Variants in APC2 observed in about 807,000 individuals in gnomAD.
APC2 encodes adenomatous polyposis coli protein 2.
APC2 carries 41 observed loss-of-function variants against 72.5 expected under a neutral mutation model. The ratio of observed to expected loss-of-function variants is 0.57; its 90% confidence interval spans 0.44 to 0.73. APC2 has a LOEUF of 0.73. Among genes scored for constraint, APC2 ranks in the 30% least tolerant of loss-of-function variants. APC2 has a pLI of 0.00. For missense variants in APC2, 3,729 were observed against 3,403.4 expected (o/e 1.10, Z -2.38); for synonymous variants, 1,898 against 1,612.0 (o/e 1.18, Z -4.25).
chr19:1,456,174 A>G (rs950047095), intron 7 of APC2, 21 bp downstream of exon 7: 1 of 1,571,760 alleles, frequency 6.4e-7, no homozygotes, highest in Non-Finnish European at 8.6e-7. Context: ...GGGCAGAGCC[A>G]GGGACCAGGG....
intron 4 of APC2, among the ~76,000 whole-genome samples, chr19:1,454,563 C>CTTTTCTT (rs1569140915): frequency 8.6e-6 from 1 of 116,172 alleles, no homozygotes. Flanking sequence ...ATCTTTTGTA[C>CTTTTCTT]TTTTTTTTTT....
chr19:1,469,494 C>G lies in APC2; in HGVS notation c.6193C>G (p.Arg2065Gly), dbSNP rs1369082576. 3.6e-6 allele frequency: 4 copies of G among 1,105,758 alleles called. No individual in the cohort carries two copies. Among genetic ancestry groups the G allele is most frequent in the African/African-American group, 3.4e-5 (2 of 59,198 alleles). 68.5% of individuals were successfully genotyped at this position (1,105,758 alleles called of 1,614,324 possible). The change falls in exon 15 of 15, where the codon CGA becomes GGA. Residue 2065 changes from arginine (R) to glycine (G), a missense_variant. Transcript: ENST00000590469. ...APARQRPPAA[R>G]PSPGERPARR... ...GGCCCGGCAGCGGCCCCCCGCGGCCCGACCCAGCCCTGGCGAGCGCCCTGC... is the reference window on the plus strand; with the variant it reads ...GGCCCGGCAGCGGCCCCCCGCGGCCGGACCCAGCCCTGGCGAGCGCCCTGC...
intron 13 of APC2, 73 bp from the exon 14 acceptor site, chr19:1,461,890 T>C (rs2145216674): frequency 2.3e-6 from 3 of 1,297,840 alleles, no homozygotes; most frequent in Non-Finnish European, 1.1e-6. Flanking sequence ...CCAACTTCAC[T>C]GAATGTGAGC....
rs2084072203 is a variant in APC2, at chr19:1,468,686, C to T, written c.5385C>T (p.Tyr1795=). 5 of 1,559,584 alleles carry T rather than the reference C, an allele frequency of 3.2e-6. No individual in the cohort carries two copies. The highest frequency in any genetic ancestry group is 4.4e-6 in the Non-Finnish European group (5 of 1,147,734). ...PAVLRGRTVI[Y]VPSPAPRAQP... is the part of the protein sequence containing the mutation. ...TGCTCCGGGGACGAACAGTGATCTA[C>T]GTCCCCAGCCCGGCACCCCGTGCCC... The change falls in exon 15 of 15, where the codon TAC becomes TAT. Residue 1795 remains tyrosine, a synonymous_variant. Coordinates refer to ENST00000590469, the MANE Select transcript of APC2 (RefSeq NM_005883.3).
rs1236960819 is a variant in APC2, at chr19:1,465,996, G to A, written c.2695G>A (p.Glu899Lys). Reference protein sequence around the residue: ...AQSCSPCRGPEGGRREAGSRA... With the variant: ...AQSCSPCRGPKGGRREAGSRA... ...GTCCTGCTCGCCATGCCGCGGCCCG[G>A]AGGGCGGGCGGCGAGAGGCAGGAAG... Residue 899 changes from glutamate to lysine, a missense_variant, in exon 15 of 15, where the codon GAG becomes AAG. Physicochemically the swap from Glu to Lys is moderately conservative, Grantham distance 56. Coordinates refer to ENST00000590469, the MANE Select transcript of APC2 (RefSeq NM_005883.3). The A allele has an allele frequency of 3.3e-6, 5 of 1,510,138 alleles. No homozygotes were observed. The highest frequency in any genetic ancestry group is 4.4e-6 in the Non-Finnish European group (5 of 1,138,840). 93.5% of individuals were successfully genotyped at this position (1,510,138 alleles called of 1,614,324 possible).
chr19:1,464,761 TG>T (rs1485208094), intron 14 of APC2, among the ~76,000 whole-genome samples: 7 of 147,834 alleles, frequency 4.7e-5, no homozygotes, highest in Non-Finnish European at 7.4e-5. Flanking sequence ...GCCTCCCGGG[TG>T]GCTGGGATTA....
intron 14 of APC2, among the ~76,000 whole-genome samples, chr19:1,464,824 G>C (rs1385114317): frequency 6.6e-6 from 1 of 151,030 alleles, no homozygotes; most frequent in African/African-American, 2.4e-5. Context: ...AGAGAGAGAG[G>C]GTTTCACCAT....
chr19:1,472,192 G>A lies in APC2; in HGVS notation c.*1979G>A, dbSNP rs1028043371. The A allele has an allele frequency of 1.3e-5, 2 of 152,276 alleles. No homozygotes were observed. Among genetic ancestry groups the A allele is most frequent in the African/African-American group, 2.4e-5 (1 of 41,456 alleles). The allele number at this position is 152,276 out of a possible 1,614,324, so 9.4% of individuals were successfully genotyped here. A position where few individuals can be genotyped will look rare whatever the true frequency, so the allele number is the denominator to read the frequency against. On this transcript the variant is annotated 3_prime_UTR_variant, in exon 15 of 15. Transcript: ENST00000590469. The stretch of plus-strand genomic sequence containing the variant: ...CACTTGCTGTCCCCATCCATGGCCC[G>A]AGGGGGAACCTGGTGGTCTCTTCTG...
chr19:1,458,842 CCTGA>C (rs781524528), intron 10 of APC2, among the ~76,000 whole-genome samples: 11 of 152,018 alleles, frequency 7.2e-5, no homozygotes, highest in African/African-American at 1.2e-4. Flanking sequence ...CGCCCCCACA[CCTGA>C]CTAATTTTTG....
Position 1,466,215 on chromosome 19 carries a change from C to A in APC2, c.2914C>A (p.Pro972Thr). The change falls in exon 15 of 15, where the codon CCC becomes ACC. Residue 972 changes from proline (P) to threonine (T), a missense_variant. By Grantham distance (38) the Pro-to-Thr change is conservative (BLOSUM62 -1). Transcript: ENST00000590469. Reference sequence around the variant, plus strand: ...GCCCAGCCGGCTTGACCTTGACCTGCCCGGCTGCCAGGCCGAGCCCCCGGC... The same window carrying A: ...GCCCAGCCGGCTTGACCTTGACCTGACCGGCTGCCAGGCCGAGCCCCCGGC... Reference protein sequence around the residue: ...PRPSRLDLDLPGCQAEPPARE... With the variant: ...PRPSRLDLDLTGCQAEPPARE... 1 of 1,552,202 alleles carries A rather than the reference C, an allele frequency of 6.4e-7. No individual in the cohort carries two copies. Among genetic ancestry groups the A allele is most frequent in the Non-Finnish European group, 8.6e-7 (1 of 1,157,466 alleles).
Position 1,452,868 on chromosome 19 carries a change from C to A in APC2, c.-18-116C>A. ...ACCAGTGACTCCTGCCTGAGACCCC[C>A]CCCAACCCAGGATCAGGCAGGACGG... On this transcript the variant is annotated intron_variant, in intron 1 of 14. Coordinates refer to ENST00000590469, the MANE Select transcript of APC2 (RefSeq NM_005883.3). The surrounding 1 kb of genome is among the most constrained non-coding windows in gnomAD (Gnocchi z 5.1). 1 of 1,303,060 alleles carries A rather than the reference C, an allele frequency of 7.7e-7. No homozygotes were observed. The highest frequency in any genetic ancestry group is 1.0e-6 in the Non-Finnish European group (1 of 964,938). The allele number at this position is 1,303,060 out of a possible 1,614,324, so 80.7% of individuals were successfully genotyped here. A position where few individuals can be genotyped will look rare whatever the true frequency, so the allele number is the denominator to read the frequency against.
In APC2 at chr19:1,452,506, G is replaced by A. The variant is rs1019694934; in HGVS notation, c.-18-478G>A. The stretch of plus-strand genomic sequence containing the variant: ...GTCCGCCCCGCGTGTCTGGCTGTCA[G>A]CCTCTGGGCAGGCTTGCTTTTATGG... On this transcript the variant is annotated intron_variant, in intron 1 of 14. Transcript: ENST00000590469. The surrounding 1 kb of genome is among the most constrained non-coding windows in gnomAD (Gnocchi z 5.1). 2 of 166,186 alleles carry A rather than the reference G, an allele frequency of 1.2e-5. No individual in the cohort carries two copies. The highest frequency in any genetic ancestry group is 1.2e-4 in the Admixed American group (2 of 16,804). 10.3% of individuals were successfully genotyped at this position (166,186 alleles called of 1,614,324 possible).
At chr19:1,454,637 C>A (rs995822193) in intron 4 of APC2, among the ~76,000 whole-genome samples, 1 of 149,464 alleles carries the variant, frequency 6.7e-6, no homozygotes, top group Non-Finnish European at 1.5e-5. Flanking sequence ...GATCTCGGCT[C>A]ACTGCAAGCT....
In APC2 at chr19:1,467,649, C is replaced by CGCAGCGCGGA; in HGVS notation, c.4353_4362dup (p.Ser1455ArgfsTer52). On this transcript the variant is annotated frameshift_variant, in exon 15 of 15. Transcript: ENST00000590469. LOFTEE classifies it low-confidence loss of function (END_TRUNC). ...CCGGCACAAGGCGGGAGGCGCCGGC[C>CGCAGCGCGGA]GCAGCGCGGAGCAGTCTCGGGGCGC... 1 of 1,479,988 alleles carries CGCAGCGCGGA rather than the reference C, an allele frequency of 6.8e-7. No homozygotes were observed. Among genetic ancestry groups the CGCAGCGCGGA allele is most frequent in the Non-Finnish European group, 8.9e-7 (1 of 1,122,938 alleles). The allele number at this position is 1,479,988 out of a possible 1,614,324, so 91.7% of individuals were successfully genotyped here.
Position 1,465,346 on chromosome 19 carries a change from T to C in APC2, c.2045T>C (p.Met682Thr). ...LRNLVHSKHK[M>T]IAMGSAAALR... ...AATCTGGTGCACTCCAAGCACAAGA[T>C]GATCGCCATGGGCAGCGCCGCCGCC... The change falls in exon 15 of 15, where the codon ATG (methionine) becomes ACG (threonine). Residue 682 changes from methionine to threonine, a missense_variant. Transcript: ENST00000590469. 1 of 1,589,256 alleles carries C rather than the reference T, an allele frequency of 6.3e-7. No individual in the cohort carries two copies. Among genetic ancestry groups the C allele is most frequent in the Non-Finnish European group, 8.5e-7 (1 of 1,174,430 alleles).
chr19:1,467,384 G>A lies in APC2; in HGVS notation c.4083G>A (p.Ala1361=). ...VPARLRKVAS[A]LVPGRRALPV... is the part of the protein sequence containing the mutation. ...CCCGGCTGCGCAAGGTGGCCTCCGC[G>A]CTGGTGCCAGGTCGCCGCGCACTCC... Residue 1361 remains alanine, a synonymous_variant, in exon 15 of 15, where the codon GCG becomes GCA. Coordinates refer to ENST00000590469, the MANE Select transcript of APC2 (RefSeq NM_005883.3). 6.7e-7 allele frequency: 1 copy of A among 1,486,082 alleles called. No individual in the cohort carries two copies. The allele number at this position is 1,486,082 out of a possible 1,614,324, so 92.1% of individuals were successfully genotyped here.
chr19:1,470,246 C>A lies in APC2; in HGVS notation c.*33C>A. On this transcript the variant is annotated 3_prime_UTR_variant, in exon 15 of 15. Coordinates refer to ENST00000590469, the MANE Select transcript of APC2 (RefSeq NM_005883.3). ...GGCCGGCCTTCTGGAACGTTCTCTC[C>A]CGGCCCTGCGGCGCGGTCTGGCTGC... is the stretch of plus-strand genomic sequence containing the variant. The A allele has an allele frequency of 2.6e-6, 4 of 1,539,464 alleles. No individual in the cohort carries two copies. Among genetic ancestry groups the A allele is most frequent in the East Asian group, 2.4e-5 (1 of 40,938 alleles).
rs1364104374 is a variant in APC2, at chr19:1,469,295, C to T, written c.5994C>T (p.Ile1998=). 1.4e-6 allele frequency: 2 copies of T among 1,420,052 alleles called. No homozygotes were observed. Among genetic ancestry groups the T allele is most frequent in the African/African-American group, 1.5e-5 (1 of 66,446 alleles). The allele number at this position is 1,420,052 out of a possible 1,614,324, so 88.0% of individuals were successfully genotyped here. A position where few individuals can be genotyped will look rare whatever the true frequency, so the allele number is the denominator to read the frequency against. ...GCTTCCGGCGACAGCTAACCTTCATCAAGGAGTCGCCGGGCTTGCGGCGCC... is the reference window on the plus strand; with the variant it reads ...GCTTCCGGCGACAGCTAACCTTCATTAAGGAGTCGCCGGGCTTGCGGCGCC... The part of the protein sequence containing the change: ...RSGFRRQLTF[I]KESPGLRRRR... Residue 1998 remains isoleucine (I), a synonymous_variant, in exon 15 of 15, where the codon ATC becomes ATT. Transcript: ENST00000590469.
upstream of APC2, among the ~76,000 whole-genome samples, chr19:1,449,954 C>T (rs1414192980): frequency 1.3e-5 from 2 of 152,102 alleles, no homozygotes; most frequent in African/African-American, 2.4e-5. Flanking sequence ...GGGGGTTTCG[C>T]CCCCCGCACT....
Sources: gnomAD v4.1 joint callset for allele counts (sites outside exome capture counted in the v4.1 genomes callset) on GRCh38, gnomAD v4.1.1 for gene constraint, Gnocchi (gnomAD v3.1) non-coding constraint, MANE v1.5 for transcripts, NCBI Gene and HGNC (gene_info 2026-07-23, HGNC 2026-07-21) for gene names.